The following COPG2 variants were observed in gnomAD, a reference collection of about 807,000 sequenced individuals.
COPG2 encodes coat protein complex I subunit gamma 2.
Under a neutral mutation model 46.3 loss-of-function variants are expected in COPG2, and 37 were observed. That is an observed-to-expected ratio of 0.80 (90% CI 0.61 to 1.05). The LOEUF (loss-of-function observed/expected upper bound fraction) is 1.05, where lower values mean the gene tolerates loss of function less well. Ranked by LOEUF, COPG2 falls within the 50% of genes least tolerant of loss-of-function variation. The pLI is 0.00. For missense variants in COPG2, 427 were observed against 387.8 expected, an observed-to-expected ratio of 1.10 and a Z score of -0.85; for synonymous variants, 159 against 129.7, an observed-to-expected ratio of 1.23 and a Z score of -1.53.
chr7:130,536,792 C>G (rs1386902971), intron 20 of COPG2, among the ~76,000 whole-genome samples: 1 of 152,116 alleles, frequency 6.6e-6, no homozygotes, highest in Admixed American at 6.5e-5. Flanking sequence ...GGATTTCCAG[C>G]GCCTCGGTCC....
At chr7:130,573,758 A>T (rs1319808291) in intron 9 of COPG2, among the ~76,000 whole-genome samples, 1 of 152,172 alleles carries the variant, frequency 6.6e-6, no homozygotes, top group Admixed American at 6.5e-5. Context: ...GTTCAGGGGT[A>T]CATGTGAAGG....
intron 12 of COPG2, among the ~76,000 whole-genome samples, chr7:130,558,679 TCTGA>T (rs1369662490): frequency 2.6e-5 from 4 of 152,110 alleles, no homozygotes; most frequent in Admixed American, 1.3e-4. Flanking sequence ...CACCACCATG[TCTGA>T]CTAATTTTTG....
chr7:130,635,603 T>C (rs1341072314), intron 5 of COPG2, among the ~76,000 whole-genome samples: 1 of 152,188 alleles, frequency 6.6e-6, no homozygotes, highest in Admixed American at 6.5e-5. Context: ...CTCTCTTCTT[T>C]ATTAGTCTGG....
intron 9 of COPG2, among the ~76,000 whole-genome samples, chr7:130,575,835 C>G (rs1793990480): frequency 6.6e-6 from 1 of 152,102 alleles, no homozygotes; most frequent in Non-Finnish European, 1.5e-5. Context: ...GGAGACTCAC[C>G]TAACACATAC....
At chr7:130,647,755 A>G (rs1233374695) in intron 5 of COPG2, among the ~76,000 whole-genome samples, 1 of 147,866 alleles carries the variant, frequency 6.8e-6, no homozygotes, top group Admixed American at 6.7e-5. Context: ...TTTCGAGACG[A>G]AGTCTCACTC....
chr7:130,625,653 G>A (rs565023185), intron 5 of COPG2, among the ~76,000 whole-genome samples: 2 of 149,708 alleles, frequency 1.3e-5, no homozygotes, highest in South Asian at 4.2e-4. Context: ...CATTTATTTT[G>A]CATATTTATG....
intron 11 of COPG2, among the ~76,000 whole-genome samples, chr7:130,562,180 G>A (rs1313783368): frequency 6.6e-6 from 1 of 152,150 alleles, no homozygotes; most frequent in Non-Finnish European, 1.5e-5. Flanking sequence ...CCAACATGGC[G>A]AAACCCTGTC....
At chr7:130,526,445 G>A (rs1050474134) in intron 20 of COPG2, among the ~76,000 whole-genome samples, 9 of 152,160 alleles carry the variant, frequency 5.9e-5, no homozygotes, top group South Asian at 2.1e-4. Context: ...AAATGTGGAC[G>A]CAAGGGGAAA....
chr7:130,629,192 G>T (rs1264247965), intron 5 of COPG2, among the ~76,000 whole-genome samples: 2 of 151,818 alleles, frequency 1.3e-5, no homozygotes, highest in Non-Finnish European at 2.9e-5. Context: ...TTTGGGGGGG[G>T]TACCTTTAAA....
intron 20 of COPG2, chr7:130,511,793 C>G: frequency 1.9e-6 from 1 of 519,332 alleles, no homozygotes; most frequent in Non-Finnish European, 3.9e-6. Flanking sequence ...GGGAAATACA[C>G]AGAAAGGGTT....
intron 20 of COPG2, among the ~76,000 whole-genome samples, chr7:130,513,716 T>G (rs1294389801): frequency 2.0e-5 from 3 of 152,088 alleles, no homozygotes; most frequent in Non-Finnish European, 2.9e-5. Context: ...AGGTCTGGAA[T>G]GAACTGAAAG....
Position 130,561,060 on chromosome 7 carries a change from A to T in COPG2, c.1101T>A (p.Phe367Leu), listed in dbSNP as rs892810328. Residue 367 changes from phenylalanine to leucine, a missense_variant, in exon 12 of 24, where the codon TTT (phenylalanine) becomes TTA (leucine). By Grantham distance (22) the Phe-to-Leu change is conservative. Coordinates refer to ENST00000425248, the MANE Select transcript of COPG2 (RefSeq NM_012133.6). ...TGAACTCATCTGAGATTTCAGACAC[A>T]AAAGAAGATATCTGCTTCATGAGCC... ...VDRLMKQISS[F>L]VSEISDEFKV... 4.8e-5 allele frequency: 19 copies of T among 398,604 alleles called. No individual in the cohort carries two copies. Among genetic ancestry groups the T allele is most frequent in the Non-Finnish European group, 7.5e-5 (17 of 226,044 alleles). The allele number at this position is 398,604 out of a possible 1,614,324, so 24.7% of individuals were successfully genotyped here.
chr7:130,631,459 G>A (rs1213744897), intron 5 of COPG2, among the ~76,000 whole-genome samples: 2 of 152,062 alleles, frequency 1.3e-5, no homozygotes, highest in Non-Finnish European at 2.9e-5. Context: ...CACCTGGCCT[G>A]AATTTTGTTC....
chr7:130,646,969 GTGTATATATATATGTA>G (rs1795612795), intron 5 of COPG2, among the ~76,000 whole-genome samples: 16 of 17,968 alleles, frequency 8.9e-4, no homozygotes, highest in Admixed American at 5.2e-3. Context: ...ATATATATAT[GTGTATATATATATGTA>G]TATATATATA....
intron 3 of COPG2, among the ~76,000 whole-genome samples, chr7:130,664,834 T>C (rs1206631964): frequency 2.0e-5 from 3 of 152,230 alleles, no homozygotes; most frequent in African/African-American, 4.8e-5. Flanking sequence ...GTTTCTCATA[T>C]GCTGACACAG....
chr7:130,651,970 G>A (rs1554459192), intron 5 of COPG2, among the ~76,000 whole-genome samples: 1 of 152,172 alleles, frequency 6.6e-6, no homozygotes, highest in East Asian at 1.9e-4. Flanking sequence ...TCTTTAAAGT[G>A]AGACTATATG....
At chr7:130,584,686 T>A (rs1429972802) in intron 9 of COPG2, among the ~76,000 whole-genome samples, 1 of 151,832 alleles carries the variant, frequency 6.6e-6, no homozygotes. Flanking sequence ...GAGAATCAAA[T>A]CAAGAACTCA....
Position 130,667,520 on chromosome 7 carries a change from G to A in COPG2, c.52C>T (p.Pro18Ser). 1 of 1,613,428 alleles carries A rather than the reference G, an allele frequency of 6.2e-7. No individual in the cohort carries two copies. The highest frequency in any genetic ancestry group is 8.5e-7 in the Non-Finnish European group (1 of 1,179,546). ...GCACTCTTCTCCAGATGCTGGAAAG[G>A]ATTGGAGCCACTACCTATTTATAAA... ...KDEESGSGSN[P>S]FQHLEKSAVL... The change falls in exon 2 of 24, where the codon CCT (proline) becomes TCT (serine). Residue 18 changes from proline (P) to serine (S), a missense_variant. By Grantham distance (74) the Pro-to-Ser change is moderately conservative. Transcript: ENST00000425248.
chr7:130,602,417 T>C lies in COPG2; in HGVS notation c.737+8536A>G, dbSNP rs143582506. ...ATATTATTACCATATTTTCCTCCCA[T>C]ACAAGATGACAACACACATACACAG... On this transcript the variant is annotated intron_variant, in intron 9 of 23. Coordinates refer to ENST00000425248, the MANE Select transcript of COPG2 (RefSeq NM_012133.6). 8.2e-3 allele frequency among the ~76,000 whole-genome samples: 1,247 copies of C among 152,256 alleles called. 10 individuals carry two copies. Among genetic ancestry groups the C allele is most frequent in the Middle Eastern group, 0.034 (10 of 294 alleles).
Sources: allele counts gnomAD v4.1 joint callset (sites outside exome capture counted in the v4.1 genomes callset), GRCh38; gene constraint gnomAD v4.1.1; transcripts MANE v1.5; gene names NCBI Gene and HGNC (gene_info 2026-07-23, HGNC 2026-07-21).